GRM8: variants seen among roughly 807,000 people sequenced by gnomAD.
GRM8 encodes the protein metabotropic glutamate receptor 8.
GRM8 carries 47 observed loss-of-function variants against 87.2 expected under a neutral mutation model. The ratio of observed to expected loss-of-function variants is 0.54; its 90% confidence interval spans 0.43 to 0.69. GRM8 has a LOEUF of 0.69. Ranked by LOEUF, GRM8 falls within the 30% of genes least tolerant of loss-of-function variation. GRM8 has a pLI of 0.00. For missense variants in GRM8, 1,019 were observed against 1,139.2 expected, an observed-to-expected ratio of 0.89 and a Z score of 1.52; for synonymous variants, 396 against 404.5, an observed-to-expected ratio of 0.98 and a Z score of 0.25.
intron 3 of GRM8, among the ~76,000 whole-genome samples, chr7:127,098,808 G>A (rs189404219): frequency 2.0e-5 from 3 of 152,254 alleles, no homozygotes; most frequent in Admixed American, 2.0e-4. Flanking sequence ...ATATTTGACA[G>A]AATCAGGTCT....
intron 2 of GRM8, among the ~76,000 whole-genome samples, chr7:127,192,839 T>C (rs1160369953): frequency 6.6e-6 from 1 of 152,152 alleles, no homozygotes; most frequent in East Asian, 1.9e-4. Flanking sequence ...CCACTCCCAC[T>C]TTCTGTATGC....
intron 6 of GRM8, among the ~76,000 whole-genome samples, chr7:126,839,595 G>A (rs1038566565): frequency 1.1e-4 from 16 of 152,132 alleles, no homozygotes; most frequent in Non-Finnish European, 1.9e-4. Flanking sequence ...AATTTGAGAC[G>A]AGAAAACGAT....
rs796322162 is a variant in GRM8 at position 127,125,037 on chromosome 7, A to T, written c.511-18325T>A. On this transcript the variant is annotated intron_variant, in intron 2 of 10. Transcript: ENST00000339582. ...TAATGGACATCTGTTGAAAAAATAC[A>T]TCTAAAATCATACCTAGTGGTGAAA... Among the ~76,000 whole-genome samples the T allele has an allele frequency of 3.9e-5, 6 of 152,260 alleles. No homozygotes were observed. In the South Asian group the frequency reaches 1.2e-3, roughly 32 times the overall value.
chr7:126,480,092 A>G (rs924649003), intron 9 of GRM8, among the ~76,000 whole-genome samples: 2 of 152,090 alleles, frequency 1.3e-5, no homozygotes, highest in African/African-American at 4.8e-5. Context: ...TAACTGAACA[A>G]TGGTGTTTTG....
chr7:127,211,666 C>A (rs1796217627), intron 2 of GRM8, among the ~76,000 whole-genome samples: 1 of 152,116 alleles, frequency 6.6e-6, no homozygotes, highest in Admixed American at 6.5e-5. Context: ...GATTACTGCC[C>A]TTTTAAATGG....
intron 8 of GRM8, among the ~76,000 whole-genome samples, chr7:126,605,265 T>C (rs1337553064): frequency 6.6e-6 from 1 of 152,134 alleles, no homozygotes; most frequent in East Asian, 1.9e-4. Flanking sequence ...TTCTGCCTAA[T>C]AAAATAGAGA....
At chr7:126,820,232 A>G (rs776432049) in intron 6 of GRM8, among the ~76,000 whole-genome samples, 2 of 152,258 alleles carry the variant, frequency 1.3e-5, no homozygotes, top group Non-Finnish European at 2.9e-5. Context: ...TAAATACATT[A>G]TATCTTCAAA....
intron 8 of GRM8, among the ~76,000 whole-genome samples, chr7:126,556,913 T>C (rs1158579513): frequency 2.0e-5 from 3 of 152,240 alleles, no homozygotes; most frequent in African/African-American, 7.2e-5. Context: ...TTGGTGTCTT[T>C]AGTTTTATTT....
At chr7:126,924,548 A>G (rs892061227) in intron 3 of GRM8, among the ~76,000 whole-genome samples, 1 of 152,034 alleles carries the variant, frequency 6.6e-6, no homozygotes, top group African/African-American at 2.4e-5. Context: ...CAATCCTCAC[A>G]TGGGTGGTAT....
At chr7:127,107,107 C>T (rs1470100269) in intron 2 of GRM8, among the ~76,000 whole-genome samples, 1 of 152,150 alleles carries the variant, frequency 6.6e-6, no homozygotes, top group Non-Finnish European at 1.5e-5. Flanking sequence ...CTGAAACTGG[C>T]TTTGGCTTTA....
At chr7:127,034,185 C>A (rs1403269853) in intron 3 of GRM8, among the ~76,000 whole-genome samples, 1 of 152,138 alleles carries the variant, frequency 6.6e-6, no homozygotes, top group Non-Finnish European at 1.5e-5. Flanking sequence ...AGTTGCAAAC[C>A]AACCATGCTA....
intron 9 of GRM8, among the ~76,000 whole-genome samples, chr7:126,469,834 C>T (rs1584721619): frequency 6.6e-6 from 1 of 152,122 alleles, no homozygotes; most frequent in South Asian, 2.1e-4. Context: ...TGTGGTACTG[C>T]TAATAAGATA....
chr7:126,533,912 C>G, intron 8 of GRM8, 25 bp from the exon 9 acceptor site: 1 of 1,540,928 alleles, frequency 6.5e-7, no homozygotes, highest in Non-Finnish European at 8.9e-7. Context: ...AATTAATGAG[C>G]CTTCCATTTT....
Position 127,106,481 on chromosome 7 carries a change from T to C in GRM8, c.727+15A>G. On this transcript the variant is annotated intron_variant, in intron 3 of 10. Transcript: ENST00000339582. ...GTCACCTCCAAATACAATCATCTGA[T>C]AAATATATGCTTACCAATCTCCCTC... is the stretch of plus-strand genomic sequence containing the variant. 6.3e-7 allele frequency: 1 copy of C among 1,597,740 alleles called. No homozygotes were observed. The highest frequency in any genetic ancestry group is 8.6e-7 in the Non-Finnish European group (1 of 1,165,714).
chr7:126,884,597 A>G (rs1586318509), intron 6 of GRM8, among the ~76,000 whole-genome samples: 1 of 152,194 alleles, frequency 6.6e-6, no homozygotes, highest in East Asian at 1.9e-4. Context: ...GAAAAAACAT[A>G]TAATGTCCTG....
At chr7:126,699,811 A>G (rs982390086) in intron 7 of GRM8, among the ~76,000 whole-genome samples, 17 of 152,180 alleles carry the variant, frequency 1.1e-4, no homozygotes, top group African/African-American at 3.4e-4. Flanking sequence ...TGCTTGCCTA[A>G]GCTGGCTGCA....
intron 8 of GRM8, among the ~76,000 whole-genome samples, chr7:126,566,087 A>G (rs1794187137): frequency 6.6e-6 from 1 of 152,174 alleles, no homozygotes; most frequent in Non-Finnish European, 1.5e-5. Flanking sequence ...ATATTGCTAG[A>G]AAAAAATAGG....
At chr7:126,902,282 A>G (rs1802163686) in intron 6 of GRM8, among the ~76,000 whole-genome samples, 1 of 152,202 alleles carries the variant, frequency 6.6e-6, no homozygotes, top group Non-Finnish European at 1.5e-5. Context: ...AAAGTAGACA[A>G]TAAATGTTTC....
rs188239273 is a variant in GRM8, at chr7:126,675,062, A to C, written c.1358-65564T>G. Among the ~76,000 whole-genome samples, 136 of 152,322 alleles carry C rather than the reference A, an allele frequency of 8.9e-4. 1 individual carries two copies. Among genetic ancestry groups the C allele is most frequent in the African/African-American group, 3.2e-3 (133 of 41,578 alleles). ...TCATATGTTGAAATTCTAACCCTAA[A>C]TGTAATGCTATTTGGAGGTAGGGCC... On this transcript the variant is annotated intron_variant, in intron 7 of 10. Coordinates refer to ENST00000339582, the MANE Select transcript of GRM8 (RefSeq NM_000845.3).
Sources: allele counts gnomAD v4.1 joint callset (sites outside exome capture counted in the v4.1 genomes callset), GRCh38; gene constraint gnomAD v4.1.1; transcripts MANE v1.5; gene names NCBI Gene and HGNC (gene_info 2026-07-23, HGNC 2026-07-21).